The following FRMD4A variants were observed in gnomAD, a reference collection of about 807,000 sequenced individuals.
FRMD4A encodes FERM domain-containing protein 4A.
In FRMD4A, 29 loss-of-function variants were observed where a neutral mutation model predicts 129.1. The ratio of observed to expected loss-of-function variants is 0.22; its 90% confidence interval spans 0.17 to 0.31. The LOEUF is 0.31. Among genes scored for constraint, FRMD4A ranks in the 10% least tolerant of loss-of-function variants. FRMD4A has a pLI of 1.00. For synonymous variants in FRMD4A, 634 were observed against 571.6 expected, an observed-to-expected ratio of 1.11 and a Z score of -1.56; for missense variants, 1,272 against 1,375.8, an observed-to-expected ratio of 0.92 and a Z score of 1.19.
At chr10:13,765,699 G>A (rs1320526909) in intron 6 of FRMD4A, among the ~76,000 whole-genome samples, 2 of 152,160 alleles carry the variant, frequency 1.3e-5, no homozygotes, top group South Asian at 2.1e-4. Flanking sequence ...AGAGGCTGTC[G>A]GTGCTGGGAT....
At chr10:13,895,867 C>T (rs2094752084) in intron 2 of FRMD4A, among the ~76,000 whole-genome samples, 1 of 152,092 alleles carries the variant, frequency 6.6e-6, no homozygotes, top group African/African-American at 2.4e-5. Flanking sequence ...AAGATATGAA[C>T]AGACACTTCT....
intron 2 of FRMD4A, among the ~76,000 whole-genome samples, chr10:13,925,576 T>C (rs1345487372): frequency 2.1e-5 from 1 of 48,004 alleles, no homozygotes; most frequent in Non-Finnish European, 4.4e-5. Flanking sequence ...CTTTTTTTTT[T>C]TTTTTTTTTT....
chr10:14,014,641 A>G (rs909759532), intron 2 of FRMD4A, among the ~76,000 whole-genome samples: 4 of 152,216 alleles, frequency 2.6e-5, no homozygotes, highest in African/African-American at 9.6e-5. Flanking sequence ...TAGGCCAAAC[A>G]TGAAACCCAA....
intron 3 of FRMD4A, among the ~76,000 whole-genome samples, chr10:13,822,106 T>C (rs1018349081): frequency 4.9e-4 from 74 of 152,238 alleles, no homozygotes; most frequent in African/African-American, 1.7e-3. Flanking sequence ...TATATGTATG[T>C]ATCTATTTGT....
chr10:14,174,154 C>T (rs991555019), intron 2 of FRMD4A, among the ~76,000 whole-genome samples: 3 of 152,036 alleles, frequency 2.0e-5, no homozygotes, highest in Admixed American at 6.5e-5. Context: ...TGGTGGCTCC[C>T]CTCTCCCGGG....
rs150931013 is a variant in FRMD4A at position 14,318,078 on chromosome 10, G to C, written c.45+11980C>G. Among the ~76,000 whole-genome samples, 182 of 152,260 alleles carry C rather than the reference G, an allele frequency of 1.2e-3. 1 individual carries two copies. Among genetic ancestry groups the C allele is most frequent in the African/African-American group, 4.1e-3 (172 of 41,552 alleles). On this transcript the variant is annotated intron_variant, in intron 2 of 24. Coordinates refer to ENST00000357447, the MANE Select transcript of FRMD4A (RefSeq NM_018027.5). ...ACAAATAGTTGTTGATACAGGTAAT[G>C]TTCATGTTTCCCCATTGTAGCAGCA... is the stretch of plus-strand genomic sequence containing the variant.
At chr10:13,670,193 C>T (rs575554409) in intron 17 of FRMD4A, among the ~76,000 whole-genome samples, 3 of 152,272 alleles carry the variant, frequency 2.0e-5, no homozygotes, top group East Asian at 3.9e-4. Flanking sequence ...CAAGCAACTT[C>T]GACAGACACC....
Position 13,658,132 on chromosome 10 carries a change from T to TAAA in FRMD4A, c.2067-613_2067-611dup, listed in dbSNP as rs565374030. Among the ~76,000 whole-genome samples, 124 of 81,268 alleles carry TAAA rather than the reference T, an allele frequency of 1.5e-3. 1 individual carries two copies. The highest frequency in any genetic ancestry group is 2.5e-3 in the Non-Finnish European group (103 of 41,488). The allele number at this position is 81,268 out of a possible 152,430, so 53.3% of individuals were successfully genotyped here. A position where few individuals can be genotyped will look rare whatever the true frequency, so the allele number is the denominator to read the frequency against. On this transcript the variant is annotated intron_variant, in intron 21 of 24. Transcript: ENST00000357447. The stretch of plus-strand genomic sequence containing the variant: ...CAACAGGGCAAGACCCTGTCTCTCT[T>TAAA]AAAAAAAAAAAAAAAAAAAAAAAAA...
At chr10:13,734,967 A>G (rs752334859) in intron 12 of FRMD4A, among the ~76,000 whole-genome samples, 35 of 152,024 alleles carry the variant, frequency 2.3e-4, no homozygotes, top group Non-Finnish European at 4.4e-4. Context: ...TCTGCCTTCC[A>G]GGTTCAAGTG....
chr10:14,155,153 G>A (rs1157509190), intron 2 of FRMD4A, among the ~76,000 whole-genome samples: 1 of 152,182 alleles, frequency 6.6e-6, no homozygotes, highest in Non-Finnish European at 1.5e-5. Flanking sequence ...AACGTAGTCA[G>A]GTGTGGTGGC....
At chr10:13,834,838 G>A (rs142848161) in intron 3 of FRMD4A, among the ~76,000 whole-genome samples, 78 of 152,258 alleles carry the variant, frequency 5.1e-4, no homozygotes, top group Middle Eastern at 3.4e-3. Flanking sequence ...TAAGCTGACA[G>A]GGTTAACATT....
intron 2 of FRMD4A, among the ~76,000 whole-genome samples, chr10:14,253,442 G>A (rs1844506456): frequency 6.6e-6 from 1 of 152,210 alleles, no homozygotes. Context: ...TGATTTCACA[G>A]GGTGGAATAT....
At chr10:14,156,762 T>C (rs2131862792) in intron 2 of FRMD4A, among the ~76,000 whole-genome samples, 1 of 152,340 alleles carries the variant, frequency 6.6e-6, no homozygotes, top group South Asian at 2.1e-4. Context: ...CCTTAGACGC[T>C]TCCACAGACT....
chr10:13,994,575 G>C (rs1266835609), intron 2 of FRMD4A, among the ~76,000 whole-genome samples: 1 of 152,150 alleles, frequency 6.6e-6, no homozygotes, highest in African/African-American at 2.4e-5. Context: ...GCCTGCCTCA[G>C]GACAGTGCTC....
intron 2 of FRMD4A, among the ~76,000 whole-genome samples, chr10:14,101,095 T>C (rs1008836305): frequency 2.0e-5 from 3 of 152,342 alleles, no homozygotes; most frequent in African/African-American, 7.2e-5. Context: ...GGCTCTGTGT[T>C]ATCTATTATA....
At chr10:14,159,913 G>T (rs1192368665) in intron 2 of FRMD4A, among the ~76,000 whole-genome samples, 1 of 152,108 alleles carries the variant, frequency 6.6e-6, no homozygotes, top group Non-Finnish European at 1.5e-5. Flanking sequence ...AGCCAGGCGT[G>T]GTGGTGGGCG....
In FRMD4A at chr10:13,657,092, G is replaced by A. The variant is rs748473865; in HGVS notation, c.2497C>T (p.Arg833Cys). 2.5e-6 allele frequency: 4 copies of A among 1,573,026 alleles called. No homozygotes were observed. Among genetic ancestry groups the A allele is most frequent in the Non-Finnish European group, 3.4e-6 (4 of 1,165,882 alleles). ...ATGTACAGCGGGTACTCCTTGATGC[G>A]GTACTGCGAGCTGGGCTGGCTCTGG... ...HSQSQPSSQY[R>C]IKEYPLYIEG... is the part of the protein sequence containing the mutation. Residue 833 changes from arginine (R) to cysteine (C), a missense_variant, in exon 22 of 25, where the codon CGC becomes TGC. Around this residue, in one of 2 missense-constraint regions of FRMD4A, gnomAD observed 972 missense variants for 892.3 expected, o/e 1.09. Coordinates refer to ENST00000357447, the MANE Select transcript of FRMD4A (RefSeq NM_018027.5).
chr10:14,253,070 A>T (rs1452963971), intron 2 of FRMD4A, among the ~76,000 whole-genome samples: 1 of 152,244 alleles, frequency 6.6e-6, no homozygotes, highest in East Asian at 1.9e-4. Context: ...TTTAAGTCAA[A>T]TAGATTCTTT....
At chr10:14,199,444 C>T (rs182272221) in intron 2 of FRMD4A, among the ~76,000 whole-genome samples, 1 of 151,990 alleles carries the variant, frequency 6.6e-6, no homozygotes. Context: ...ATCTCCACCT[C>T]CCGGGCTCAA....
Sources: gnomAD v4.1 joint callset for allele counts (sites outside exome capture counted in the v4.1 genomes callset) on GRCh38, gnomAD v4.1.1 for gene constraint, gnomAD v4.1.1 regional missense constraint, MANE v1.5 for transcripts, NCBI Gene and HGNC (gene_info 2026-07-23, HGNC 2026-07-21) for gene names.